Variants in ZP4 observed in about 807,000 individuals in gnomAD.
The protein encoded by ZP4 is zona pellucida glycoprotein 4.
ZP4 carries 62 observed loss-of-function variants against 62.3 expected under a neutral mutation model. The ratio of observed to expected loss-of-function variants is 0.99; its 90% CI spans 0.81 to 1.23. The LOEUF is 1.23. ZP4 is among the 50% of genes most tolerant of loss of function. The pLI is 0.00. For missense variants in ZP4, 774 were observed against 656.0 expected (o/e 1.18, Z -1.97); for synonymous variants, 289 against 247.3 (o/e 1.17, Z -1.58).
chr1:237,884,528 G>T (rs1424229359), intron 10 of ZP4, among the ~76,000 whole-genome samples: 2 of 152,174 alleles, frequency 1.3e-5, no homozygotes, highest in African/African-American at 2.4e-5. Context: ...TTGGTTGGTG[G>T]ATGAATTAAA....
chr1:237,882,611 C>T lies in ZP4; in HGVS notation c.1496-62G>A, dbSNP rs549553469. The T allele has an allele frequency of 1.8e-5, 28 of 1,569,830 alleles. No homozygotes were observed. The Middle Eastern group carries it at 2.1e-3, about 115-fold the overall frequency. Reference sequence around the variant, plus strand: ...AAAACCAAGTGATTCTGTGTCCTGACAAAGACTAGCAGTCTTCTGCTATAG... The same window carrying T: ...AAAACCAAGTGATTCTGTGTCCTGATAAAGACTAGCAGTCTTCTGCTATAG... On this transcript the variant is annotated intron_variant, in intron 11 of 11. Coordinates refer to ENST00000366570, the MANE Select transcript of ZP4 (RefSeq NM_021186.5).
At chr1:237,890,341 C>A in intron 1 of ZP4, 120 bp downstream of exon 1, 1 of 1,482,354 alleles carries the variant, frequency 6.7e-7, no homozygotes. Flanking sequence ...ATTTCTTTTG[C>A]AGAAAGATGC....
At position 237,886,770 on chromosome 1, in the gene ZP4, C is replaced by T. The variant is rs1230710996; in HGVS notation, c.839+1G>A. ...GGAAGTCATTCTGGCCAAGCCCTTA[C>T]CTGAAGATGCTGTCACGAGTGACAG... On this transcript the variant is annotated splice_donor_variant, in intron 6 of 11. Transcript: ENST00000366570. LOFTEE classifies it high-confidence loss of function. The T allele has an allele frequency of 5.6e-6, 9 of 1,613,464 alleles. No individual in the cohort carries two copies. The highest frequency in any genetic ancestry group is 1.7e-5 in the Admixed American group (1 of 59,972).
intron 5 of ZP4, among the ~76,000 whole-genome samples, chr1:237,887,105 T>TA (rs1173450489): frequency 6.6e-6 from 1 of 152,156 alleles, no homozygotes; most frequent in Non-Finnish European, 1.5e-5. Context: ...GCACTACCAA[T>TA]TCCAGTCAGC....
chr1:237,890,433 G>C (rs570537668), intron 1 of ZP4, 28 bp downstream of exon 1: 1 of 1,591,972 alleles, frequency 6.3e-7, no homozygotes, highest in South Asian at 1.1e-5. Context: ...TCATTGCTTG[G>C]CTAAGCAAGG....
intron 10 of ZP4, among the ~76,000 whole-genome samples, chr1:237,883,987 C>A (rs1193010075): frequency 0.054 from 1,948 of 36,336 alleles, 96 homozygotes; most frequent in African/African-American, 0.12. Flanking sequence ...CACACAAACA[C>A]ACACACACAC....
chr1:237,884,683 T>G, intron 10 of ZP4, 86 bp downstream of exon 10: 224 of 1,240,050 alleles, frequency 1.8e-4, no homozygotes, highest in Non-Finnish European at 2.4e-4. Context: ...ATCTTCAGTT[T>G]GAGTTGTTTG....
In ZP4 at chr1:237,890,097, C is replaced by T; in HGVS notation, c.255G>A (p.Val85=). Reference sequence around the variant, plus strand: ...AGCTGCTATAGGTTGCCTCCAACACCACGGAGCTGCCTGGACCTTTTCTTA... The same window carrying T: ...AGCTGCTATAGGTTGCCTCCAACACTACGGAGCTGCCTGGACCTTTTCTTA... ...TWIRKGPGSS[V]VLEATYSSCY... is the part of the protein sequence containing the mutation. Residue 85 remains valine (V), a synonymous_variant, in exon 2 of 12, where the codon GTG becomes GTA. Transcript: ENST00000366570. The T allele has an allele frequency of 6.2e-7, 1 of 1,614,156 alleles. No individual in the cohort carries two copies. The highest frequency in any genetic ancestry group is 8.5e-7 in the Non-Finnish European group (1 of 1,180,038).
chr1:237,887,530 G>A lies in ZP4; in HGVS notation c.585C>T (p.Phe195=), dbSNP rs369287411. The change falls in exon 5 of 12, where the codon TTC becomes TTT. Residue 195 remains phenylalanine (F), a synonymous_variant. Transcript: ENST00000366570. Reference sequence around the variant, plus strand: ...TCACGTTCCGAGACACAGCAATAGAGAAATGGCCCTCTCGGGTACAATGCA... The same window carrying A: ...TCACGTTCCGAGACACAGCAATAGAAAAATGGCCCTCTCGGGTACAATGCA... ...VTLHCTREGH[F]SIAVSRNVTS... 9 of 1,614,058 alleles carry A rather than the reference G, an allele frequency of 5.6e-6. No individual in the cohort carries two copies. In the Admixed American group the frequency reaches 1.0e-4, roughly 18 times the overall value.
chr1:237,882,784 T>C lies in ZP4; in HGVS notation c.1453A>G (p.Met485Val). 6.2e-7 allele frequency: 1 copy of C among 1,614,154 alleles called. No individual in the cohort carries two copies. Among genetic ancestry groups the C allele is most frequent in the African/African-American group, 1.3e-5 (1 of 75,034 alleles). ...TTASVSSKGP[M>V]ILLQATKDPP... Reference sequence around the variant, plus strand: ...TCCTTAGTGGCTTGGAGTAGAATCATGGGGCCTTTGCTAGAAACACTAGCA... The same window carrying C: ...TCCTTAGTGGCTTGGAGTAGAATCACGGGGCCTTTGCTAGAAACACTAGCA... The change falls in exon 11 of 12, where the codon ATG (methionine) becomes GTG (valine). Residue 485 changes from methionine to valine, a missense_variant. Transcript: ENST00000366570.
intron 10 of ZP4, among the ~76,000 whole-genome samples, chr1:237,883,712 G>GAAGA (rs1664983131): frequency 1.1e-4 from 5 of 44,878 alleles, no homozygotes; most frequent in East Asian, 1.7e-3. Flanking sequence ...GGCGGGGGAG[G>GAAGA]GCGGGGGAGG....
intron 4 of ZP4, among the ~76,000 whole-genome samples, chr1:237,887,839 C>A (rs1558533993): frequency 1.3e-5 from 2 of 152,126 alleles, no homozygotes. Flanking sequence ...TAGTTCCTAC[C>A]TCATTTTGCT....
At chr1:237,883,643 CGG>C (rs1401939783) in intron 10 of ZP4, among the ~76,000 whole-genome samples, 7 of 6,726 alleles carry the variant, frequency 1.0e-3, no homozygotes, top group South Asian at 0.011. Context: ...AGGGGGAGGG[CGG>C]GGGAGGGCGG....
intron 10 of ZP4, among the ~76,000 whole-genome samples, chr1:237,884,129 C>A (rs1291132154): frequency 1.3e-5 from 2 of 151,650 alleles, no homozygotes; most frequent in Admixed American, 1.3e-4. Context: ...CTTCTATTTG[C>A]CAGTTGTAGG....
At chr1:237,890,247 G>A in intron 1 of ZP4, 71 bp from the exon 2 acceptor site, 2 of 1,606,544 alleles carry the variant, frequency 1.2e-6, no homozygotes, top group South Asian at 2.2e-5. Context: ...AGTCAGCCTT[G>A]CCATTAGACC....
chr1:237,888,521 A>G lies in ZP4; in HGVS notation c.401-11T>C. On this transcript the variant is annotated splice_polypyrimidine_tract_variant and intron_variant, in intron 3 of 11. Transcript: ENST00000366570. ...CTGGAGCATCTCGGGCTAGGTTTTG[A>G]AAAAGAGTAAGTCAGGTTAGATAAT... is the stretch of plus-strand genomic sequence containing the variant. The G allele has an allele frequency of 6.3e-7, 1 of 1,585,420 alleles. No homozygotes were observed.
chr1:237,888,284 C>G (rs909875104), intron 4 of ZP4, 74 bp downstream of exon 4: 2 of 1,433,760 alleles, frequency 1.4e-6, no homozygotes, highest in East Asian at 4.9e-5. Flanking sequence ...GCCTTCTGAG[C>G]AAACCCCTCT....
chr1:237,888,084 T>TAA (rs1308172848), intron 4 of ZP4, among the ~76,000 whole-genome samples: 2 of 152,242 alleles, frequency 1.3e-5, no homozygotes, highest in Non-Finnish European at 2.9e-5. Context: ...AAAGTCGCTA[T>TAA]AAGTTTCTGT....
At chr1:237,889,802 C>T (rs1174229213) in intron 3 of ZP4, 65 bp downstream of exon 3, 1 of 1,440,218 alleles carries the variant, frequency 6.9e-7, no homozygotes. Flanking sequence ...TCAGAGAGGA[C>T]CAAGAGTACT....
Sources: allele counts gnomAD v4.1 joint callset (sites outside exome capture counted in the v4.1 genomes callset), GRCh38; gene constraint gnomAD v4.1.1; transcripts MANE v1.5; gene names NCBI Gene and HGNC (gene_info 2026-07-23, HGNC 2026-07-21).